The following MGRN1 variants were observed in gnomAD, a reference collection of about 807,000 sequenced individuals.
MGRN1 encodes mahogunin ring finger 1, also known as E3 ubiquitin-protein ligase MGRN1.
Under a neutral mutation model 69.2 loss-of-function variants are expected in MGRN1, and 29 were observed. That is an observed-to-expected ratio of 0.42 (90% CI 0.31 to 0.57). The LOEUF is 0.57. Among genes scored for constraint, MGRN1 ranks in the 20% least tolerant of loss-of-function variants. The probability of loss-of-function intolerance (pLI) is 0.15; values close to 1 mark genes in which losing one functional copy is unlikely to be tolerated. For missense variants in MGRN1, 998 were observed against 796.2 expected, an observed-to-expected ratio of 1.25 and a Z score of -3.05; for synonymous variants, 470 against 344.2, an observed-to-expected ratio of 1.37 and a Z score of -4.04.
At chr16:4,683,083 C>T in intron 14 of MGRN1, 137 bp downstream of exon 14, 2 of 1,501,770 alleles carry the variant, frequency 1.3e-6, no homozygotes, top group Non-Finnish European at 1.8e-6. Flanking sequence ...CTGCGCGGCT[C>T]CTTAGCCTCG....
At chr16:4,664,597 C>T in intron 5 of MGRN1, 112 bp from the exon 6 acceptor site, 18 of 1,127,492 alleles carry the variant, frequency 1.6e-5, no homozygotes, top group Non-Finnish European at 2.4e-5. Context: ...CCTCTGAGCT[C>T]TGCTGCTGCC....
chr16:4,663,382 T>TG (rs2078728664), intron 5 of MGRN1, among the ~76,000 whole-genome samples: 2 of 138,238 alleles, frequency 1.4e-5, no homozygotes, highest in Non-Finnish European at 3.2e-5. Flanking sequence ...TTTTTTTTTT[T>TG]TTTTTTTTTA....
intron 1 of MGRN1, among the ~76,000 whole-genome samples, chr16:4,638,596 A>T (rs2078084832): frequency 6.6e-6 from 1 of 152,244 alleles, no homozygotes; most frequent in Non-Finnish European, 1.5e-5. Flanking sequence ...TGGGACCCCC[A>T]GAGCACTCGA....
At chr16:4,629,953 G>T (rs1034634582) in intron 1 of MGRN1, among the ~76,000 whole-genome samples, 1 of 151,414 alleles carries the variant, frequency 6.6e-6, no homozygotes, top group African/African-American at 2.4e-5. Flanking sequence ...GGCTGAGTCA[G>T]GAGAATTGCT....
intron 1 of MGRN1, chr16:4,635,119 C>G (rs1050577295): frequency 1.3e-5 from 2 of 152,274 alleles, no homozygotes; most frequent in African/African-American, 4.8e-5. Context: ...CATTAAAAAT[C>G]AGAGGCTGGG....
chr16:4,651,941 G>A (rs2078417417), intron 2 of MGRN1, 22 bp from the exon 3 acceptor site: 1 of 1,611,802 alleles, frequency 6.2e-7, no homozygotes, highest in Non-Finnish European at 8.5e-7. Flanking sequence ...AGTCACCTGG[G>A]GCCCTGTGGT....
At chr16:4,632,510 C>T (rs1448501683) in intron 1 of MGRN1, among the ~76,000 whole-genome samples, 1 of 152,000 alleles carries the variant, frequency 6.6e-6, no homozygotes, top group Non-Finnish European at 1.5e-5. Flanking sequence ...TCTCCTGTCT[C>T]AGCCTCCTGA....
In MGRN1 at chr16:4,648,305, GC is replaced by G. The variant is rs767374607; in HGVS notation, c.89-2059del. 9.5e-3 allele frequency among the ~76,000 whole-genome samples: 1,272 copies of G among 133,560 alleles called. 30 individuals carry two copies. Among genetic ancestry groups the G allele is most frequent in the African/African-American group, 0.04 (1,183 of 29,892 alleles). 87.6% of individuals were successfully genotyped at this position (133,560 alleles called of 152,430 possible). A position where few individuals can be genotyped will look rare whatever the true frequency, so the allele number is the denominator to read the frequency against. On this transcript the variant is annotated intron_variant, in intron 1 of 16. Coordinates refer to ENST00000262370, the MANE Select transcript of MGRN1 (RefSeq NM_015246.4). ...CCGTGGTCACCCGGCTCCTCCTCCC[GC>G]GGGCTCTTCCCGTGGTCACCCGGCT...
intron 5 of MGRN1, among the ~76,000 whole-genome samples, chr16:4,662,402 G>C (rs2078703338): frequency 6.6e-6 from 1 of 151,784 alleles, no homozygotes; most frequent in Admixed American, 6.6e-5. Context: ...TATAATCCCA[G>C]TTACTTGGGA....
At chr16:4,629,572 C>G (rs538217850) in intron 1 of MGRN1, among the ~76,000 whole-genome samples, 2 of 151,964 alleles carry the variant, frequency 1.3e-5, no homozygotes, top group Non-Finnish European at 2.9e-5. Flanking sequence ...AACCCCATCT[C>G]TACTAAAAAT....
intron 16 of MGRN1, chr16:4,686,476 T>G: frequency 7.2e-7 from 1 of 1,387,420 alleles, no homozygotes; most frequent in Non-Finnish European, 9.3e-7. Flanking sequence ...CTGCTGCACC[T>G]TCCCCCAGAA....
chr16:4,628,655 C>T (rs571561077), intron 1 of MGRN1, among the ~76,000 whole-genome samples: 135 of 152,226 alleles, frequency 8.9e-4, no homozygotes, highest in African/African-American at 3.2e-3. Flanking sequence ...AGCAATTCTC[C>T]TGTTTCAGCC....
At chr16:4,636,916 G>A (rs1898323989) in intron 1 of MGRN1, among the ~76,000 whole-genome samples, 2 of 149,764 alleles carry the variant, frequency 1.3e-5, no homozygotes, top group Admixed American at 6.7e-5. Flanking sequence ...TCAGGAGATC[G>A]AGACCATCCT....
At chr16:4,659,130 C>A (rs1659501) in intron 5 of MGRN1, 67,337 of 151,702 alleles carry the variant, frequency 0.44, 15,453 homozygotes, top group East Asian at 0.63. Flanking sequence ...CAGTCTGAGC[C>A]ACATAGCGAG....
Position 4,681,532 on chromosome 16 carries a change from C to T in MGRN1, c.1132-18C>T, listed in dbSNP as rs73521427. 1,773 of 1,600,926 alleles carry T rather than the reference C, an allele frequency of 1.1e-3. 16 individuals carry two copies. The African/African-American group carries it at 0.021, about 19-fold the overall frequency. On this transcript the variant is annotated intron_variant, in intron 12 of 16. Coordinates refer to ENST00000262370, the MANE Select transcript of MGRN1 (RefSeq NM_015246.4). ...TGGTCCCTGGGCATGAGCCCCCTCA[C>T]GCACCCTGTCCCTACAGAACTCTGA...
chr16:4,675,854 G>C (rs1340341233), intron 10 of MGRN1, among the ~76,000 whole-genome samples: 1 of 152,204 alleles, frequency 6.6e-6, no homozygotes, highest in Non-Finnish European at 1.5e-5. Context: ...AAAGCCGCTC[G>C]TAGGGCCCCG....
chr16:4,646,967 G>C (rs1481634818), intron 1 of MGRN1, among the ~76,000 whole-genome samples: 1 of 152,198 alleles, frequency 6.6e-6, no homozygotes, highest in Non-Finnish European at 1.5e-5. Flanking sequence ...CCAGACCAAG[G>C]CTGCCCGGCC....
At chr16:4,662,505 G>C (rs1280861659) in intron 5 of MGRN1, among the ~76,000 whole-genome samples, 2 of 149,840 alleles carry the variant, frequency 1.3e-5, no homozygotes, top group Non-Finnish European at 3.0e-5. Context: ...AACAGATCAA[G>C]ACTCTGTCTC....
In MGRN1 at chr16:4,641,515, C is replaced by CTT. The variant is rs542014508; in HGVS notation, c.89-8832_89-8831dup. Among the ~76,000 whole-genome samples the CTT allele has an allele frequency of 3.1e-3, 423 of 135,382 alleles. 1 individual carries two copies. The highest frequency in any genetic ancestry group is 5.4e-3 in the Non-Finnish European group (337 of 62,542). 88.8% of individuals were successfully genotyped at this position (135,382 alleles called of 152,430 possible). A position where few individuals can be genotyped will look rare whatever the true frequency, so the allele number is the denominator to read the frequency against. On this transcript the variant is annotated intron_variant, in intron 1 of 16. Transcript: ENST00000262370. ...AGGCACATACCACTGTGCCTGGCTA[C>CTT]TTTTTTTTTTTTTTTTTTTAAGACA...
Sources: gnomAD v4.1 joint callset for allele counts (sites outside exome capture counted in the v4.1 genomes callset) on GRCh38, gnomAD v4.1.1 for gene constraint, MANE v1.5 for transcripts, NCBI Gene and HGNC (gene_info 2026-07-23, HGNC 2026-07-21) for gene names.